RHOA: variants seen among roughly 807,000 people sequenced by gnomAD.
RHOA encodes the protein ras homolog family member A.
In RHOA, 3 loss-of-function variants were observed where a neutral mutation model predicts 17.5. The ratio of observed to expected loss-of-function variants is 0.17; its 90% confidence interval spans 0.08 to 0.44. The LOEUF is 0.44. Among genes scored for constraint, RHOA ranks in the 20% least tolerant of loss-of-function variants. The pLI is 0.99. For synonymous variants in RHOA, 98 were observed against 88.4 expected (o/e 1.11, Z -0.61); for missense variants, 56 against 242.3 (o/e 0.23, Z 5.10).
chr3:49,362,367 G>T (rs1458311973), intron 4 of RHOA, 129 bp downstream of exon 4: 1 of 875,576 alleles, frequency 1.1e-6, no homozygotes, highest in Non-Finnish European at 1.7e-6. Flanking sequence ...GAGGGTCAGA[G>T]GGCCACAGAG....
At chr3:49,404,653 G>A (rs1452779010) in intron 1 of RHOA, among the ~76,000 whole-genome samples, 1 of 147,002 alleles carries the variant, frequency 6.8e-6, no homozygotes. Context: ...AGAAGGCCAG[G>A]CACGGTGGCT....
At chr3:49,411,411 T>G (rs1488824430) in intron 1 of RHOA, among the ~76,000 whole-genome samples, 1 of 152,264 alleles carries the variant, frequency 6.6e-6, no homozygotes, top group Non-Finnish European at 1.5e-5. Flanking sequence ...GTAAAGAGTT[T>G]CTTTCCCATT....
intron 1 of RHOA, among the ~76,000 whole-genome samples, chr3:49,389,142 G>T (rs2048453131): frequency 6.6e-6 from 1 of 151,556 alleles, no homozygotes; most frequent in Admixed American, 6.6e-5. Context: ...AGGAGTTCAA[G>T]ACCAACCTGG....
At chr3:49,373,880 A>C (rs1003012409) in intron 2 of RHOA, among the ~76,000 whole-genome samples, 17 of 152,124 alleles carry the variant, frequency 1.1e-4, no homozygotes, top group Non-Finnish European at 1.9e-4. Context: ...AGATTAAAAA[A>C]AAAAACAAAA....
chr3:49,361,496 T>TC, intron 4 of RHOA, among the ~76,000 whole-genome samples: 1 of 152,308 alleles, frequency 6.6e-6, no homozygotes, highest in East Asian at 1.9e-4. Flanking sequence ...CTATCTGGAC[T>TC]CCCAGCCTTC....
chr3:49,401,964 T>A (rs557477517), intron 1 of RHOA, among the ~76,000 whole-genome samples: 6 of 152,298 alleles, frequency 3.9e-5, no homozygotes, highest in Middle Eastern at 3.4e-3. Flanking sequence ...AGAGCTTTCC[T>A]TTCTGTAGCA....
At chr3:49,376,303 T>C (rs1453714182) in intron 1 of RHOA, among the ~76,000 whole-genome samples, 2 of 152,164 alleles carry the variant, frequency 1.3e-5, no homozygotes, top group East Asian at 3.9e-4. Flanking sequence ...AGAAAACTTT[T>C]AGAATAAACA....
chr3:49,401,041 C>CAAAAAAGAAAAA (rs2048716013), intron 1 of RHOA, among the ~76,000 whole-genome samples: 1 of 67,584 alleles, frequency 1.5e-5, no homozygotes, highest in African/African-American at 5.4e-5. Context: ...GACTCCGTCT[C>CAAAAAAGAAAAA]AAAAAAAAAA....
chr3:49,375,255 G>A (rs1362569795), intron 2 of RHOA, among the ~76,000 whole-genome samples, 179 bp downstream of exon 2: 2 of 150,440 alleles, frequency 1.3e-5, no homozygotes, highest in African/African-American at 2.4e-5. Context: ...ATGAGACTCC[G>A]TCTCCAAAAA....
intron 1 of RHOA, among the ~76,000 whole-genome samples, chr3:49,408,492 T>C (rs1187302877): frequency 6.6e-6 from 1 of 152,216 alleles, no homozygotes; most frequent in East Asian, 1.9e-4. Flanking sequence ...AACGAGCAGC[T>C]TCAGTGCCTG....
chr3:49,388,607 A>G (rs771544009), intron 1 of RHOA, among the ~76,000 whole-genome samples: 21 of 152,158 alleles, frequency 1.4e-4, no homozygotes, highest in Non-Finnish European at 2.8e-4. Context: ...CATTTCACAT[A>G]GCAGTCTTTG....
rs1420959078 is a variant in RHOA, at chr3:49,375,606, A to G, written c.-2-15T>C. ...GGCAGCCATTGCTGAAACACAAAAC[A>G]CAGATATTACCTGCAATGCACAAGA... On this transcript the variant is annotated splice_polypyrimidine_tract_variant and intron_variant, in intron 1 of 4. Coordinates refer to ENST00000418115, the MANE Select transcript of RHOA (RefSeq NM_001664.4). The G allele has an allele frequency of 6.2e-7, 1 of 1,611,678 alleles. No homozygotes were observed. Among genetic ancestry groups the G allele is most frequent in the Non-Finnish European group, 8.5e-7 (1 of 1,178,712 alleles).
chr3:49,402,755 A>T (rs1362515103), intron 1 of RHOA, among the ~76,000 whole-genome samples: 1 of 152,128 alleles, frequency 6.6e-6, no homozygotes, highest in East Asian at 1.9e-4. Context: ...AAAAAACTTT[A>T]GGCCAGGAGC....
chr3:49,387,117 CAAAAAAAAAAAAAAAAAAAAAAAAAAAA>C (rs56262356), intron 1 of RHOA, among the ~76,000 whole-genome samples: 9 of 24,642 alleles, frequency 3.7e-4, no homozygotes, highest in East Asian at 3.4e-3. Context: ...AACTCCGTCT[CAAAAAAAAAAAAAAAAAAAAAAAAAAAA>C]AAAAAAAAAA....
At chr3:49,404,000 A>G (rs1437397549) in intron 1 of RHOA, among the ~76,000 whole-genome samples, 1 of 151,640 alleles carries the variant, frequency 6.6e-6, no homozygotes, top group Non-Finnish European at 1.5e-5. Context: ...TGTAACCTGA[A>G]TAGTGAAAGT....
At chr3:49,388,266 C>G (rs1407379951) in intron 1 of RHOA, among the ~76,000 whole-genome samples, 1 of 152,020 alleles carries the variant, frequency 6.6e-6, no homozygotes, top group Non-Finnish European at 1.5e-5. Context: ...GTGATGAACT[C>G]CTGGGCTTAA....
chr3:49,388,906 G>A (rs945768848), intron 1 of RHOA, among the ~76,000 whole-genome samples: 2 of 152,124 alleles, frequency 1.3e-5, no homozygotes, highest in African/African-American at 4.8e-5. Flanking sequence ...AATAAGGAAC[G>A]AAGTACAGTA....
intron 3 of RHOA, chr3:49,366,695 A>G (rs1447341723): frequency 6.6e-6 from 1 of 152,230 alleles, no homozygotes; most frequent in East Asian, 1.9e-4. Context: ...GACATACTGC[A>G]CAGAGGACTC....
At chr3:49,387,117 C>CAAAAAAAAAAAAAA (rs56262356) in intron 1 of RHOA, among the ~76,000 whole-genome samples, 2 of 24,610 alleles carry the variant, frequency 8.1e-5, no homozygotes, top group Non-Finnish European at 1.4e-4. Context: ...AACTCCGTCT[C>CAAAAAAAAAAAAAA]AAAAAAAAAA....
Sources: allele counts gnomAD v4.1 joint callset (sites outside exome capture counted in the v4.1 genomes callset), GRCh38; gene constraint gnomAD v4.1.1; transcripts MANE v1.5; gene names NCBI Gene and HGNC (gene_info 2026-07-23, HGNC 2026-07-21).